The following MDGA1 variants were observed in gnomAD, a reference collection of about 807,000 sequenced individuals.
MDGA1 encodes MAM domain-containing glycosylphosphatidylinositol anchor protein 1.
In MDGA1, 54 loss-of-function variants were observed where a neutral mutation model predicts 101.5. That is an observed-to-expected ratio of 0.53 (90% confidence interval 0.43 to 0.67). The LOEUF (loss-of-function observed/expected upper bound fraction) is 0.67. Among genes scored for constraint, MDGA1 ranks in the 30% least tolerant of loss-of-function variants. The pLI, the probability that MDGA1 is intolerant of heterozygous loss-of-function variation, is 0.00. For synonymous variants in MDGA1, 533 were observed against 558.3 expected, an observed-to-expected ratio of 0.95 and a Z score of 0.64; for missense variants, 1,083 against 1,323.8, an observed-to-expected ratio of 0.82 and a Z score of 2.82.
At chr6:37,667,671 C>T (rs1383386088) in intron 1 of MDGA1, among the ~76,000 whole-genome samples, 1 of 152,190 alleles carries the variant, frequency 6.6e-6, no homozygotes, top group Admixed American at 6.5e-5. Context: ...TGGGGTGCCT[C>T]TCAACAAGGA....
chr6:37,640,693 G>T (rs898345502), intron 14 of MDGA1, among the ~76,000 whole-genome samples: 2 of 152,192 alleles, frequency 1.3e-5, no homozygotes, highest in East Asian at 3.9e-4. Flanking sequence ...TGAGCAGGGG[G>T]GACATTGGAG....
intron 9 of MDGA1, among the ~76,000 whole-genome samples, chr6:37,647,825 G>A (rs948739647): frequency 2.1e-4 from 32 of 152,218 alleles, no homozygotes; most frequent in African/African-American, 7.0e-4. Flanking sequence ...GGCAGGGCTG[G>A]GTGGAGGGGA....
chr6:37,658,235 C>T lies in MDGA1; in HGVS notation c.382+10G>A. 1 of 1,571,240 alleles carries T rather than the reference C, an allele frequency of 6.4e-7. No homozygotes were observed. The highest frequency in any genetic ancestry group is 8.6e-7 in the Non-Finnish European group (1 of 1,156,770). ...GTCAGGGCCCGGGGAGAGAGGGGGCCTCAACTCACACTGCACGTCCACGCG... is the reference window on the plus strand; with the variant it reads ...GTCAGGGCCCGGGGAGAGAGGGGGCTTCAACTCACACTGCACGTCCACGCG... On this transcript the variant is annotated intron_variant, in intron 3 of 16. Transcript: ENST00000434837.
At chr6:37,661,226 T>C (rs1363544468) in intron 2 of MDGA1, among the ~76,000 whole-genome samples, 1 of 152,252 alleles carries the variant, frequency 6.6e-6, no homozygotes. Context: ...TGTGTGTTAA[T>C]ACAACTATCA....
chr6:37,694,438 C>T (rs1034552479), intron 1 of MDGA1, among the ~76,000 whole-genome samples: 2 of 152,238 alleles, frequency 1.3e-5, no homozygotes, highest in Non-Finnish European at 2.9e-5. Context: ...ATGCTGGATG[C>T]AATGCCAGGC....
intron 1 of MDGA1, among the ~76,000 whole-genome samples, chr6:37,664,598 A>AGTAC (rs1761700588): frequency 2.2e-5 from 1 of 45,670 alleles, no homozygotes; most frequent in Non-Finnish European, 4.8e-5. Context: ...TCTCCCCCAC[A>AGTAC]ATACACACAC....
At chr6:37,660,503 TC>T (rs1188034351) in intron 2 of MDGA1, among the ~76,000 whole-genome samples, 7 of 152,088 alleles carry the variant, frequency 4.6e-5, no homozygotes, top group African/African-American at 1.7e-4. Context: ...ATTATCCAAT[TC>T]ACTAATTTTT....
chr6:37,653,735 G>C (rs548592979), intron 6 of MDGA1, among the ~76,000 whole-genome samples: 4 of 152,148 alleles, frequency 2.6e-5, no homozygotes, highest in Non-Finnish European at 5.9e-5. Context: ...TAAGAAAAAT[G>C]TTTATACTTC....
chr6:37,669,808 T>C (rs769261377), intron 1 of MDGA1, among the ~76,000 whole-genome samples: 25 of 152,252 alleles, frequency 1.6e-4, no homozygotes, highest in Non-Finnish European at 3.2e-4. Context: ...GGCCAGGCAC[T>C]GTGCTGGGCA....
intron 1 of MDGA1, among the ~76,000 whole-genome samples, chr6:37,695,203 G>A (rs1438347209): frequency 1.3e-5 from 2 of 152,044 alleles, no homozygotes. Context: ...CCCCAGCCCC[G>A]GGGCTGTGGT....
chr6:37,650,414 G>T lies in MDGA1; in HGVS notation c.1313-9C>A, dbSNP rs773329579. 5.9e-6 allele frequency: 9 copies of T among 1,527,396 alleles called. No homozygotes were observed. Among genetic ancestry groups the T allele is most frequent in the Middle Eastern group, 2.4e-4 (1 of 4,218 alleles). 94.6% of individuals were successfully genotyped at this position (1,527,396 alleles called of 1,614,324 possible). A position where few individuals can be genotyped will look rare whatever the true frequency, so the allele number is the denominator to read the frequency against. ...ACTGATGGTGGGCGGCACTGTGGGG[G>T]TGATGGTGATCAGCGGAGAGGTAGG... On this transcript the variant is annotated splice_polypyrimidine_tract_variant and intron_variant, in intron 7 of 16. Coordinates refer to ENST00000434837, the MANE Select transcript of MDGA1 (RefSeq NM_153487.4).
intron 2 of MDGA1, among the ~76,000 whole-genome samples, chr6:37,659,650 T>C (rs1761575480): frequency 6.6e-6 from 1 of 152,000 alleles, no homozygotes. Context: ...CATGAACAGG[T>C]CAGGCCAGAG....
rs2113986492 is a variant in MDGA1 at position 37,633,743 on chromosome 6, A to T, written c.*3625T>A. The T allele has an allele frequency of 6.6e-6, 1 of 152,486 alleles. No individual in the cohort carries two copies. The allele number at this position is 152,486 out of a possible 1,614,324, so 9.4% of individuals were successfully genotyped here. On this transcript the variant is annotated 3_prime_UTR_variant, in exon 17 of 17. Coordinates refer to ENST00000434837, the MANE Select transcript of MDGA1 (RefSeq NM_153487.4). ...TAACATCCCCACCGGCACCCTGGAC[A>T]CAGGACTGTTAGCCAAACTCCCTGC...
intron 16 of MDGA1, among the ~76,000 whole-genome samples, chr6:37,637,664 G>C (rs1490859060): frequency 6.6e-6 from 1 of 152,112 alleles, no homozygotes; most frequent in Non-Finnish European, 1.5e-5. Flanking sequence ...AGCCTGCCAG[G>C]GTTCACATTC....
At chr6:37,686,886 C>G (rs949120541) in intron 1 of MDGA1, among the ~76,000 whole-genome samples, 1 of 152,218 alleles carries the variant, frequency 6.6e-6, no homozygotes, top group Non-Finnish European at 1.5e-5. Context: ...CTGGTCAGGT[C>G]TTTCTTTCTA....
chr6:37,694,007 G>C (rs560617309), intron 1 of MDGA1, among the ~76,000 whole-genome samples: 1 of 152,306 alleles, frequency 6.6e-6, no homozygotes, highest in African/African-American at 2.4e-5. Flanking sequence ...CCTCAGCAGA[G>C]ACACACAGCC....
At chr6:37,690,523 A>C (rs1198436091) in intron 1 of MDGA1, among the ~76,000 whole-genome samples, 3 of 152,206 alleles carry the variant, frequency 2.0e-5, no homozygotes, top group Admixed American at 2.0e-4. Flanking sequence ...TCACGCCTGT[A>C]ATCCCAGCAC....
At chr6:37,663,919 C>T (rs1172307688) in intron 2 of MDGA1, 48 bp downstream of exon 2, 4 of 1,606,704 alleles carry the variant, frequency 2.5e-6, no homozygotes, top group Non-Finnish European at 3.4e-6. Flanking sequence ...TGAGCCTAGG[C>T]AAGGTGAGGG....
intron 1 of MDGA1, among the ~76,000 whole-genome samples, chr6:37,695,414 G>A (rs910266214): frequency 8.5e-5 from 13 of 152,204 alleles, no homozygotes; most frequent in Admixed American, 7.8e-4. Context: ...TGGCCTCTGT[G>A]AGGGGCCAGG....
Sources: gnomAD v4.1 joint callset for allele counts (sites outside exome capture counted in the v4.1 genomes callset) on GRCh38, gnomAD v4.1.1 for gene constraint, MANE v1.5 for transcripts, NCBI Gene and HGNC (gene_info 2026-07-23, HGNC 2026-07-21) for gene names.